The following CEP350 variants were observed in gnomAD, a reference collection of about 807,000 sequenced individuals.
CEP350 encodes centrosome-associated protein 350.
Under a neutral mutation model 331.8 loss-of-function variants are expected in CEP350, and 126 were observed. The ratio of observed to expected loss-of-function variants is 0.38; its 90% CI spans 0.33 to 0.44. The LOEUF (loss-of-function observed/expected upper bound fraction) is 0.44, where lower values mean the gene tolerates loss of function less well. Ranked by LOEUF, CEP350 falls within the 20% of genes least tolerant of loss-of-function variation. The probability of loss-of-function intolerance (pLI) is 1.00; values close to 1 mark genes in which losing one functional copy is unlikely to be tolerated. For missense variants in CEP350, 3,406 were observed against 3,634.6 expected (o/e 0.94, Z 1.62); for synonymous variants, 1,200 against 1,259.5 (o/e 0.95, Z 1.00).
intron 7 of CEP350, 46 bp downstream of exon 7, chr1:180,003,333 C>A (rs1213035814): frequency 8.5e-7 from 1 of 1,182,460 alleles, no homozygotes; most frequent in Non-Finnish European, 1.2e-6. Context: ...GTCATACATG[C>A]TATCTAATTT....
intron 25 of CEP350, among the ~76,000 whole-genome samples, chr1:180,056,081 AC>A (rs1424583782): frequency 6.6e-6 from 1 of 152,096 alleles, no homozygotes; most frequent in African/African-American, 2.4e-5. Flanking sequence ...TCATTTTGAT[AC>A]ATCTGGTATT....
At chr1:180,078,769 A>T in intron 29 of CEP350, 95 bp downstream of exon 29, 1 of 984,670 alleles carries the variant, frequency 1.0e-6, no homozygotes, top group Non-Finnish European at 1.5e-6. Context: ...GACAGTGTTA[A>T]CTGTCACCAT....
In CEP350 at chr1:180,093,321, A is replaced by C; in HGVS notation, c.7216A>C (p.Arg2406=). The C allele has an allele frequency of 6.3e-6, 10 of 1,599,070 alleles. No homozygotes were observed. Among genetic ancestry groups the C allele is most frequent in the Non-Finnish European group, 8.5e-6 (10 of 1,172,406 alleles). ...TGAGGTGTCATCTTTGCTGTCACTC[A>C]GGAAAGACTCTCAGTCTTGCAGAGA... The part of the protein sequence containing the change: ...DFEVSSLLSL[R]KDSQSCRDKP... Residue 2406 remains arginine, a synonymous_variant, in exon 34 of 38, where the codon AGG becomes CGG. Transcript: ENST00000367607.
intron 8 of CEP350, among the ~76,000 whole-genome samples, chr1:180,010,588 T>C (rs1475689258): frequency 6.6e-6 from 1 of 151,688 alleles, no homozygotes; most frequent in East Asian, 1.9e-4. Context: ...TTCCTTCCTT[T>C]CTTTTCTTTC....
intron 1 of CEP350, among the ~76,000 whole-genome samples, chr1:179,962,810 G>T (rs1650733359): frequency 6.6e-6 from 1 of 152,166 alleles, no homozygotes. Context: ...TTGATAGAAT[G>T]ATTTCTTTTC....
chr1:179,977,176 A>G (rs932697693), intron 1 of CEP350, among the ~76,000 whole-genome samples: 11 of 152,164 alleles, frequency 7.2e-5, no homozygotes, highest in Admixed American at 3.3e-4. Flanking sequence ...GGTGAGGGGC[A>G]GGTCTTTGTG....
rs892209074 is a variant in CEP350 at position 180,054,575 on chromosome 1, GATTTC to G, written c.5262+74_5262+78del. The stretch of plus-strand genomic sequence containing the variant: ...GTTTGTGGAATCTATTATTTTGCCT[GATTTC>G]TTTTCCTTATCATTGCCTTAAATGA... On this transcript the variant is annotated intron_variant, in intron 25 of 37. Coordinates refer to ENST00000367607, the MANE Select transcript of CEP350 (RefSeq NM_014810.5). The G allele has an allele frequency of 6.0e-5, 67 of 1,107,908 alleles. No homozygotes were observed. The African/African-American group carries it at 8.5e-4, about 14-fold the overall frequency. The allele number at this position is 1,107,908 out of a possible 1,614,324, so 68.6% of individuals were successfully genotyped here.
At chr1:180,042,132 T>TCTCACACACACACA (rs1553258521) in intron 19 of CEP350, among the ~76,000 whole-genome samples, 42 of 146,868 alleles carry the variant, frequency 2.9e-4, no homozygotes, top group Non-Finnish European at 5.0e-4. Flanking sequence ...GAGTTTTCTC[T>TCTCACACACACACA]CACACACACA....
chr1:179,958,190 T>TA (rs1650320326), intron 1 of CEP350, among the ~76,000 whole-genome samples: 1 of 152,122 alleles, frequency 6.6e-6, no homozygotes, highest in Non-Finnish European at 1.5e-5. Flanking sequence ...AGTGTTAACT[T>TA]AAAAATGAAT....
At position 180,111,276 on chromosome 1, in the gene CEP350, T is replaced by C; in HGVS notation, c.*115T>C. The C allele has an allele frequency of 8.0e-7, 1 of 1,246,738 alleles. No individual in the cohort carries two copies. The allele number at this position is 1,246,738 out of a possible 1,614,324, so 77.2% of individuals were successfully genotyped here. On this transcript the variant is annotated 3_prime_UTR_variant, in exon 38 of 38. Coordinates refer to ENST00000367607, the MANE Select transcript of CEP350 (RefSeq NM_014810.5). Reference sequence around the variant, plus strand: ...GTGCTTCTGGACCTTGTACTTATTCTTAAAGACTACCAGTATGGAGTTCAT... The same window carrying C: ...GTGCTTCTGGACCTTGTACTTATTCCTAAAGACTACCAGTATGGAGTTCAT...
At position 179,990,517 on chromosome 1, in the gene CEP350, T is replaced by A; in HGVS notation, c.131T>A (p.Ile44Asn). Residue 44 changes from isoleucine (I) to asparagine (N), a missense_variant, in exon 4 of 38, where the codon ATT (isoleucine) becomes AAT (asparagine). By Grantham distance (149) the Ile-to-Asn change is moderately radical. This residue lies in a region of CEP350 where 1,857 missense variants were observed against 1,909.2 expected (regional missense o/e 0.97). Coordinates refer to ENST00000367607, the MANE Select transcript of CEP350 (RefSeq NM_014810.5). ...GTGTTTAAACTTTAGCTGAGACACA[T>A]TGAAAATAAATTAGAAGTAGCCCCT... is the stretch of plus-strand genomic sequence containing the variant. The part of the protein sequence containing the change: ...LSQTKAALRH[I>N]ENKLEVAPTS... The A allele has an allele frequency of 6.3e-7, 1 of 1,580,896 alleles. No individual in the cohort carries two copies. The highest frequency in any genetic ancestry group is 8.6e-7 in the Non-Finnish European group (1 of 1,158,774).
At chr1:180,029,441 G>A (rs1409879240) in intron 14 of CEP350, among the ~76,000 whole-genome samples, 3 of 152,066 alleles carry the variant, frequency 2.0e-5, no homozygotes, top group Admixed American at 1.3e-4. Flanking sequence ...TTCTAGCCTC[G>A]GGATCCTAAA....
chr1:180,071,513 A>G (rs1187160407), intron 27 of CEP350, among the ~76,000 whole-genome samples: 1 of 151,640 alleles, frequency 6.6e-6, no homozygotes, highest in Non-Finnish European at 1.5e-5. Context: ...GCGGTGGCTC[A>G]GGCCTGTAAT....
chr1:180,027,170 T>A (rs1655733838), intron 14 of CEP350, among the ~76,000 whole-genome samples: 1 of 152,214 alleles, frequency 6.6e-6, no homozygotes. Flanking sequence ...AATGTTAACA[T>A]TTTTAGCAAG....
Position 180,013,816 on chromosome 1 carries a change from C to T in CEP350, c.1394-31C>T, listed in dbSNP as rs543344368. On this transcript the variant is annotated intron_variant, in intron 9 of 37. Transcript: ENST00000367607. ...AATCTTAGGAATGAGTATAGAATTTCGGTATATCACTAACAGTTCATACTT... is the reference window on the plus strand; with the variant it reads ...AATCTTAGGAATGAGTATAGAATTTTGGTATATCACTAACAGTTCATACTT... 38 of 1,536,532 alleles carry T rather than the reference C, an allele frequency of 2.5e-5. No individual in the cohort carries two copies. The Middle Eastern group carries it at 5.3e-4, about 21-fold the overall frequency.
chr1:180,085,108 C>CCCCTTT (rs1374892902), intron 31 of CEP350, among the ~76,000 whole-genome samples: 3 of 150,060 alleles, frequency 2.0e-5, no homozygotes, highest in Non-Finnish European at 4.5e-5. Context: ...CTTCCCCTTT[C>CCCCTTT]CCCTTTCCCT....
At chr1:180,022,613 A>T (rs1655401644) in intron 12 of CEP350, 85 bp from the exon 13 acceptor site, 2 of 1,175,770 alleles carry the variant, frequency 1.7e-6, no homozygotes, top group South Asian at 1.5e-5. Context: ...CTAAGCCCAT[A>T]TTGCTAATCT....
Position 180,093,606 on chromosome 1 carries a change from G to A in CEP350, c.7501G>A (p.Asp2501Asn), listed in dbSNP as rs1254068360. 3 of 1,613,956 alleles carry A rather than the reference G, an allele frequency of 1.9e-6. No homozygotes were observed. The highest frequency in any genetic ancestry group is 3.3e-5 in the Admixed American group (2 of 60,020). ...CGAGTTATTTGATTTCCACATTGGT[G>A]ATAGGGTGTTGATTGGAAATGTTCA... is the stretch of plus-strand genomic sequence containing the variant. ...ADELFDFHIGDRVLIGNVQPG... is the reference protein window; with the variant it reads ...ADELFDFHIGNRVLIGNVQPG... Residue 2501 changes from aspartate (D) to asparagine (N), a missense_variant, in exon 34 of 38, where the codon GAT becomes AAT. Physicochemically the swap from Asp to Asn is conservative, Grantham distance 23. This residue lies in a region of CEP350 where 1,415 missense variants were observed against 1,512.3 expected (regional missense o/e 0.94). Coordinates refer to ENST00000367607, the MANE Select transcript of CEP350 (RefSeq NM_014810.5).
chr1:180,046,734 T>A (rs1657147660), intron 21 of CEP350, among the ~76,000 whole-genome samples: 1 of 152,204 alleles, frequency 6.6e-6, no homozygotes. Flanking sequence ...TCACCAATGC[T>A]TGTTGTTTTT....
Sources: allele counts gnomAD v4.1 joint callset (sites outside exome capture counted in the v4.1 genomes callset), GRCh38; gene constraint gnomAD v4.1.1; regional missense constraint gnomAD v4.1.1; transcripts MANE v1.5; gene names NCBI Gene and HGNC (gene_info 2026-07-23, HGNC 2026-07-21).